PLEKHM2: variants seen among roughly 807,000 people sequenced by gnomAD.
PLEKHM2 encodes the protein pleckstrin homology domain-containing family M member 2.
In PLEKHM2, 77 loss-of-function variants were observed where a neutral mutation model predicts 116.3. The observed-to-expected ratio is 0.66, with a 90% CI of 0.55 to 0.80. PLEKHM2 has a LOEUF of 0.80. Among genes scored for constraint, PLEKHM2 ranks in the 30% least tolerant of loss-of-function variants. The probability of loss-of-function intolerance (pLI) is 0.00; values close to 1 mark genes in which losing one functional copy is unlikely to be tolerated. For missense variants in PLEKHM2, 1,183 were observed against 1,354.9 expected (o/e 0.87, Z 1.99); for synonymous variants, 562 against 571.0 (o/e 0.98, Z 0.22).
intron 1 of PLEKHM2, among the ~76,000 whole-genome samples, chr1:15,698,043 G>T (rs112494225): frequency 1.3e-3 from 198 of 151,498 alleles, no homozygotes; most frequent in South Asian, 9.5e-3. Flanking sequence ...GATCGATGCA[G>T]TCCCATGGTG....
rs189534478 is a variant in PLEKHM2, at chr1:15,728,559, G to T, written c.1922-110G>T. On this transcript the variant is annotated intron_variant, in intron 11 of 19. Coordinates refer to ENST00000375799, the MANE Select transcript of PLEKHM2 (RefSeq NM_015164.4). This position sits in a 1 kb window ranked among gnomAD's most constrained non-coding sequence, Gnocchi z 5.9. ...GAGCACTCCACGCCATTCTCCTACT[G>T]CAGGGCAAGGAGAGGCCCTCTAAGA... 1.8e-4 allele frequency: 195 copies of T among 1,084,566 alleles called. 1 individual carries two copies. The African/African-American group carries it at 2.7e-3, about 15-fold the overall frequency. 67.2% of individuals were successfully genotyped at this position (1,084,566 alleles called of 1,614,324 possible).
chr1:15,721,526 T>C lies in PLEKHM2; in HGVS notation c.712+138T>C. 1 of 591,950 alleles carries C rather than the reference T, an allele frequency of 1.7e-6. No homozygotes were observed. The highest frequency in any genetic ancestry group is 2.9e-6 in the Non-Finnish European group (1 of 339,988). 36.7% of individuals were successfully genotyped at this position (591,950 alleles called of 1,614,324 possible). The stretch of plus-strand genomic sequence containing the variant: ...AATAAAGCCAAGTTTGGTGTTCTAA[T>C]AGATGGAATTCTGCAGTGGGAAAAC... On this transcript the variant is annotated intron_variant, in intron 7 of 19. Coordinates refer to ENST00000375799, the MANE Select transcript of PLEKHM2 (RefSeq NM_015164.4). This position sits in a 1 kb window ranked among gnomAD's most constrained non-coding sequence, Gnocchi z 5.1.
rs772819095 is a variant in PLEKHM2, at chr1:15,727,621, C to G, written c.1549C>G (p.Leu517Val). ...AGGAGAGGGACAGACGCCTCGGCCC[C>G]TAGAGGATACCACGAGGGAGGCTCA... ...GGGEGQTPRP[L>V]EDTTREAQEL... is the part of the protein sequence containing the mutation. The change falls in exon 9 of 20, where the codon CTA (leucine) becomes GTA (valine). Residue 517 changes from leucine to valine, a missense_variant. Leu to Val is a conservative substitution (Grantham distance 32, BLOSUM62 1). Around this residue, in one of 3 missense-constraint regions of PLEKHM2, gnomAD observed 594 missense variants for 720.1 expected, o/e 0.82. Transcript: ENST00000375799. This position sits in a 1 kb window ranked among gnomAD's most constrained non-coding sequence, Gnocchi z 7.5. 1 of 1,589,504 alleles carries G rather than the reference C, an allele frequency of 6.3e-7. No individual in the cohort carries two copies. Among genetic ancestry groups the G allele is most frequent in the East Asian group, 2.3e-5 (1 of 43,614 alleles).
intron 1 of PLEKHM2, among the ~76,000 whole-genome samples, chr1:15,693,950 C>T (rs979772927): frequency 1.3e-5 from 2 of 152,098 alleles, no homozygotes; most frequent in South Asian, 2.1e-4. Flanking sequence ...GATTCACCAC[C>T]ACGGCAGGAG....
chr1:15,717,217 T>A (rs1049065267), intron 3 of PLEKHM2, among the ~76,000 whole-genome samples: 1 of 152,042 alleles, frequency 6.6e-6, no homozygotes, highest in African/African-American at 2.4e-5. Context: ...AGCATTGCAC[T>A]CCAGCCTGGA....
intron 15 of PLEKHM2, 140 bp downstream of exon 15, chr1:15,730,862 TGGA>T (rs1324245523): frequency 1.4e-6 from 1 of 714,504 alleles, no homozygotes; most frequent in Admixed American, 2.9e-5. Context: ...TACCAGAGCT[TGGA>T]GTTGACTTAG....
intron 4 of PLEKHM2, among the ~76,000 whole-genome samples, chr1:15,718,251 C>A (rs1490804515): frequency 2.0e-5 from 3 of 152,336 alleles, no homozygotes; most frequent in South Asian, 2.1e-4. Context: ...TTTGGCTCAG[C>A]CTTTGCTGGG....
intron 1 of PLEKHM2, among the ~76,000 whole-genome samples, chr1:15,714,664 G>C (rs547032594): frequency 1.3e-5 from 2 of 152,198 alleles, no homozygotes; most frequent in Non-Finnish European, 2.9e-5. Flanking sequence ...GCACATGCTT[G>C]TTGGTGTGGT....
At position 15,721,847 on chromosome 1, in the gene PLEKHM2, T is replaced by C. The variant is rs2068000835; in HGVS notation, c.712+459T>C. 6.6e-6 allele frequency among the ~76,000 whole-genome samples: 1 copy of C among 152,244 alleles called. No individual in the cohort carries two copies. Among genetic ancestry groups the C allele is most frequent in the Non-Finnish European group, 1.5e-5 (1 of 68,044 alleles). The stretch of plus-strand genomic sequence containing the variant: ...TCCTAATGGCTTCCTCTTGGGTGTT[T>C]TGGAGTGGTTGAGGTCCAAGTCAGG... On this transcript the variant is annotated intron_variant, in intron 7 of 19. Transcript: ENST00000375799. This position sits in a 1 kb window ranked among gnomAD's most constrained non-coding sequence, Gnocchi z 5.1.
At chr1:15,695,470 A>T (rs1051118602) in intron 1 of PLEKHM2, among the ~76,000 whole-genome samples, 4 of 152,128 alleles carry the variant, frequency 2.6e-5, no homozygotes, top group Admixed American at 6.6e-5. Flanking sequence ...GCATGTTTAC[A>T]TGTGTTTCCT....
chr1:15,717,860 C>T (rs1346316202), intron 3 of PLEKHM2, 33 bp from the exon 4 acceptor site: 1 of 1,428,202 alleles, frequency 7.0e-7, no homozygotes, highest in Non-Finnish European at 9.7e-7. Flanking sequence ...TCTGAGAGGC[C>T]TTCCTGCCGG....
At chr1:15,693,296 C>G (rs928932369) in intron 1 of PLEKHM2, among the ~76,000 whole-genome samples, 2 of 152,234 alleles carry the variant, frequency 1.3e-5, no homozygotes, top group African/African-American at 2.4e-5. Context: ...CCGCCTTGGC[C>G]TCCCAAAGTG....
Position 15,727,123 on chromosome 1 carries a change from G to T in PLEKHM2, c.1051G>T (p.Gly351Cys), listed in dbSNP as rs759813805. Residue 351 changes from glycine to cysteine, a missense_variant, in exon 9 of 20, where the codon GGT (glycine) becomes TGT (cysteine). Physicochemically the swap from Gly to Cys is radical, Grantham distance 159. Transcript: ENST00000375799. This position sits in a 1 kb window ranked among gnomAD's most constrained non-coding sequence, Gnocchi z 7.5. ...SQKKCAKQGD[G>C]DSRNGSPSLG... ...GAAGAAATGTGCCAAGCAGGGGGACGGTGACAGCCGCAACGGCAGCCCAAG... is the reference window on the plus strand; with the variant it reads ...GAAGAAATGTGCCAAGCAGGGGGACTGTGACAGCCGCAACGGCAGCCCAAG... The T allele has an allele frequency of 1.3e-6, 2 of 1,586,574 alleles. No homozygotes were observed. The highest frequency in any genetic ancestry group is 1.3e-5 in the African/African-American group (1 of 74,532).
intron 1 of PLEKHM2, among the ~76,000 whole-genome samples, chr1:15,692,860 C>A (rs932013486): frequency 2.6e-5 from 4 of 152,056 alleles, no homozygotes; most frequent in African/African-American, 9.7e-5. Flanking sequence ...CTGCCTCAGC[C>A]TCCCAAGTAG....
In PLEKHM2 at chr1:15,727,976, C is replaced by G; in HGVS notation, c.1761-103C>G. Reference sequence around the variant, plus strand: ...TGAGCCTCCCTCCCTAACTTTGGCTCCTAGTGGGAGGCGGAGGCACTACCC... The same window carrying G: ...TGAGCCTCCCTCCCTAACTTTGGCTGCTAGTGGGAGGCGGAGGCACTACCC... On this transcript the variant is annotated intron_variant, in intron 9 of 19. Coordinates refer to ENST00000375799, the MANE Select transcript of PLEKHM2 (RefSeq NM_015164.4). This position sits in a 1 kb window ranked among gnomAD's most constrained non-coding sequence, Gnocchi z 7.5. 8.1e-7 allele frequency: 1 copy of G among 1,227,746 alleles called. No individual in the cohort carries two copies. Among genetic ancestry groups the G allele is most frequent in the East Asian group, 2.5e-5 (1 of 39,534 alleles). 76.1% of individuals were successfully genotyped at this position (1,227,746 alleles called of 1,614,324 possible). A position where few individuals can be genotyped will look rare whatever the true frequency, so the allele number is the denominator to read the frequency against.
rs2148383647 is a variant in PLEKHM2, at chr1:15,733,836, A to G, written c.2962A>G (p.Lys988Glu). The change falls in exon 20 of 20, where the codon AAG (lysine) becomes GAG (glutamate). Residue 988 changes from lysine to glutamate, a missense_variant. By Grantham distance (56) the Lys-to-Glu change is moderately conservative. Around this residue, in one of 3 missense-constraint regions of PLEKHM2, gnomAD observed 594 missense variants for 720.1 expected, o/e 0.82. Transcript: ENST00000375799. ...PHTAIQEASN[K>E]KKFEDALSLI... ...CACGGCGATCCAGGAAGCCTCCAAC[A>G]AGAAGAAATTCGAGGATGCCTTGAG... 1 of 1,613,026 alleles carries G rather than the reference A, an allele frequency of 6.2e-7. No individual in the cohort carries two copies. Among genetic ancestry groups the G allele is most frequent in the Non-Finnish European group, 8.5e-7 (1 of 1,179,778 alleles).
rs1641506213 is a variant in PLEKHM2, at chr1:15,719,071, T to C, written c.465+446T>C. Among the ~76,000 whole-genome samples the C allele has an allele frequency of 6.6e-6, 1 of 152,160 alleles. No individual in the cohort carries two copies. The highest frequency in any genetic ancestry group is 1.5e-5 in the Non-Finnish European group (1 of 68,022). On this transcript the variant is annotated intron_variant, in intron 5 of 19. Transcript: ENST00000375799. The surrounding 1 kb of genome is among the most constrained non-coding windows in gnomAD (Gnocchi z 4.1). ...CCCATCACACCCTGTACAAATGGGA[T>C]GCTGGCCCACATAGAGCCAAAGAGG...
chr1:15,683,479 C>G (rs192353515), upstream of PLEKHM2, among the ~76,000 whole-genome samples: 379 of 150,932 alleles, frequency 2.5e-3, 2 homozygotes, highest in Non-Finnish European at 2.7e-3. Context: ...GTGGGTGTCT[C>G]GAGTCTCTGA....
intron 19 of PLEKHM2, among the ~76,000 whole-genome samples, chr1:15,733,206 T>C (rs889248655): frequency 2.0e-5 from 3 of 152,296 alleles, no homozygotes; most frequent in Non-Finnish European, 4.4e-5. Context: ...GCACAAAAAC[T>C]TAGAATCAAA....
Sources: allele counts gnomAD v4.1 joint callset (sites outside exome capture counted in the v4.1 genomes callset), GRCh38; gene constraint gnomAD v4.1.1; regional missense constraint gnomAD v4.1.1; non-coding constraint Gnocchi (gnomAD v3.1); transcripts MANE v1.5; gene names NCBI Gene and HGNC (gene_info 2026-07-23, HGNC 2026-07-21).